IQGAP2: variants seen among roughly 807,000 people sequenced by gnomAD.
The protein encoded by IQGAP2 is ras GTPase-activating-like protein IQGAP2.
Under a neutral mutation model 201.3 loss-of-function variants are expected in IQGAP2, and 173 were observed. That is an observed-to-expected ratio of 0.86 (90% CI 0.76 to 0.98). The LOEUF is 0.98. IQGAP2 is among the 50% of genes least tolerant of loss of function. The pLI is 0.00. For synonymous variants in IQGAP2, 675 were observed against 673.9 expected, an observed-to-expected ratio of 1.00 and a Z score of -0.03; for missense variants, 1,687 against 1,864.8, an observed-to-expected ratio of 0.90 and a Z score of 1.76.
chr5:76,663,380 A>T (rs1743440851), intron 21 of IQGAP2, among the ~76,000 whole-genome samples: 1 of 152,184 alleles, frequency 6.6e-6, no homozygotes, highest in African/African-American at 2.4e-5. Context: ...ATCTGAAAAA[A>T]GTTTTAGGAA....
chr5:76,581,015 T>C (rs1000060554), intron 5 of IQGAP2, among the ~76,000 whole-genome samples: 5 of 152,240 alleles, frequency 3.3e-5, no homozygotes, highest in Non-Finnish European at 7.3e-5. Context: ...GGATTACTCT[T>C]CCCGCTGCTG....
intron 22 of IQGAP2, 28 bp downstream of exon 22, chr5:76,665,203 G>A: frequency 6.3e-7 from 1 of 1,597,590 alleles, no homozygotes; most frequent in Non-Finnish European, 8.6e-7. Flanking sequence ...TTCACTCTGA[G>A]TTTGGGAGTA....
intron 2 of IQGAP2, among the ~76,000 whole-genome samples, chr5:76,477,462 G>GA (rs1755506854): frequency 6.6e-6 from 1 of 152,156 alleles, no homozygotes; most frequent in Admixed American, 6.5e-5. Context: ...TAATGGGGCT[G>GA]AAAAATTCCC....
chr5:76,559,360 G>A (rs965469152), intron 2 of IQGAP2, among the ~76,000 whole-genome samples: 5 of 152,154 alleles, frequency 3.3e-5, no homozygotes, highest in East Asian at 1.9e-4. Flanking sequence ...TCTCTGAGGC[G>A]TCCATTATAC....
intron 1 of IQGAP2, among the ~76,000 whole-genome samples, chr5:76,453,184 G>T (rs1036861018): frequency 6.6e-6 from 1 of 152,138 alleles, no homozygotes. Context: ...AAAGTGCTGG[G>T]ATTAAAGGTA....
At chr5:76,462,219 C>T (rs1184713699) in intron 2 of IQGAP2, among the ~76,000 whole-genome samples, 4 of 152,158 alleles carry the variant, frequency 2.6e-5, no homozygotes, top group African/African-American at 9.7e-5. Context: ...CCTTTTTCCG[C>T]AGAGCTTCCT....
intron 2 of IQGAP2, chr5:76,510,459 C>T (rs552628655): frequency 3.3e-6 from 1 of 306,620 alleles, no homozygotes; most frequent in African/African-American, 2.2e-5. Context: ...GGTCCCGGGC[C>T]AGGCAGCAGC....
intron 27 of IQGAP2, among the ~76,000 whole-genome samples, chr5:76,675,165 T>A (rs772425381): frequency 2.6e-5 from 4 of 152,128 alleles, no homozygotes; most frequent in Non-Finnish European, 5.9e-5. Context: ...ACTGCTCGGG[T>A]CTATTTATAT....
rs543122792 is a variant in IQGAP2, at chr5:76,658,200, G to C, written c.2321-259G>C. The stretch of plus-strand genomic sequence containing the variant: ...CATGAGTCCAGGGAACAGTGTGAGA[G>C]AGAGCTGATAAAAGGGATAAAAGGG... On this transcript the variant is annotated intron_variant, in intron 20 of 35. Coordinates refer to ENST00000274364, the MANE Select transcript of IQGAP2 (RefSeq NM_006633.5). Among the ~76,000 whole-genome samples, 7 of 152,298 alleles carry C rather than the reference G, an allele frequency of 4.6e-5. No homozygotes were observed. In the East Asian group the frequency reaches 1.4e-3, roughly 29 times the overall value.
intron 30 of IQGAP2, among the ~76,000 whole-genome samples, chr5:76,690,198 G>A (rs140881492): frequency 2.6e-5 from 4 of 152,140 alleles, no homozygotes; most frequent in African/African-American, 9.7e-5. Flanking sequence ...GGGGTGGGAA[G>A]GGGGATGCAT....
chr5:76,602,141 C>T (rs933523308), intron 11 of IQGAP2, among the ~76,000 whole-genome samples: 12 of 152,202 alleles, frequency 7.9e-5, no homozygotes, highest in African/African-American at 2.9e-4. Context: ...GTTTCCATTT[C>T]CCTGCAACCA....
chr5:76,417,063 A>G (rs1380462800), intron 1 of IQGAP2, among the ~76,000 whole-genome samples: 3 of 152,002 alleles, frequency 2.0e-5, no homozygotes, highest in Admixed American at 1.3e-4. Flanking sequence ...GCTTCTTTCT[A>G]CATTTGAAAA....
chr5:76,445,506 C>T (rs1042700929), intron 1 of IQGAP2, among the ~76,000 whole-genome samples: 5 of 150,844 alleles, frequency 3.3e-5, no homozygotes, highest in Non-Finnish European at 5.9e-5. Context: ...CTCTTGTTGC[C>T]CAGGCTGGAG....
intron 1 of IQGAP2, 140 bp from the exon 2 acceptor site, chr5:76,461,430 C>G (rs772478509): frequency 6.0e-6 from 3 of 501,706 alleles, no homozygotes; most frequent in Admixed American, 3.6e-5. Context: ...AGGCAAATTT[C>G]TCTCTCTGCC....
At chr5:76,702,436 A>G (rs764269840) in intron 34 of IQGAP2, 46 bp from the exon 35 acceptor site, 1 of 879,118 alleles carries the variant, frequency 1.1e-6, no homozygotes, top group Non-Finnish European at 1.9e-6. Flanking sequence ...CTTTAAGCAC[A>G]TCTGTATTTG....
At chr5:76,615,323 ATCT>A (rs1748842734) in intron 13 of IQGAP2, among the ~76,000 whole-genome samples, 1 of 152,078 alleles carries the variant, frequency 6.6e-6, no homozygotes, top group South Asian at 2.1e-4. Context: ...TTAAGTTTCT[ATCT>A]TCTTGAAACT....
intron 14 of IQGAP2, among the ~76,000 whole-genome samples, chr5:76,630,084 C>T (rs75838399): frequency 0.012 from 1,839 of 152,246 alleles, 38 homozygotes; most frequent in African/African-American, 0.042. Flanking sequence ...AGTTTCTTTT[C>T]CTGGTTGGTT....
chr5:76,703,681 A>G (rs1191474490), intron 35 of IQGAP2, among the ~76,000 whole-genome samples: 1 of 151,644 alleles, frequency 6.6e-6, no homozygotes, highest in Admixed American at 6.6e-5. Context: ...GAGCACTGCA[A>G]ACAAATGTTC....
intron 2 of IQGAP2, among the ~76,000 whole-genome samples, chr5:76,552,287 A>G (rs1434469626): frequency 6.6e-6 from 1 of 152,180 alleles, no homozygotes; most frequent in Non-Finnish European, 1.5e-5. Context: ...GAGATGGCCA[A>G]TTAGATCTGT....
Sources: allele counts gnomAD v4.1 joint callset (sites outside exome capture counted in the v4.1 genomes callset), GRCh38; gene constraint gnomAD v4.1.1; transcripts MANE v1.5; gene names NCBI Gene and HGNC (gene_info 2026-07-23, HGNC 2026-07-21).